DLGAP1: variants seen among roughly 807,000 people sequenced by gnomAD.
DLGAP1 encodes the protein DLG associated protein 1.
In DLGAP1, 11 loss-of-function variants were observed where a neutral mutation model predicts 90.8. The ratio of observed to expected loss-of-function variants is 0.12; its 90% CI spans 0.08 to 0.20. The LOEUF (loss-of-function observed/expected upper bound fraction) is 0.20, where lower values mean the gene tolerates loss of function less well. Among genes scored for constraint, DLGAP1 ranks in the 10% least tolerant of loss-of-function variants. DLGAP1 has a pLI of 1.00. For missense variants in DLGAP1, 1,050 were observed against 1,333.8 expected (o/e 0.79, Z 3.31); for synonymous variants, 558 against 540.7 (o/e 1.03, Z -0.44).
chr18:3,831,581 T>G (rs1371233635), intron 4 of DLGAP1, among the ~76,000 whole-genome samples: 1 of 152,228 alleles, frequency 6.6e-6, no homozygotes, highest in Non-Finnish European at 1.5e-5. Context: ...TTCTTCACAT[T>G]AATATCTATT....
chr18:3,646,796 G>A (rs2059134076), intron 7 of DLGAP1, among the ~76,000 whole-genome samples: 2 of 151,576 alleles, frequency 1.3e-5, no homozygotes, highest in African/African-American at 4.9e-5. Context: ...GTGGTGGTGG[G>A]CGCCTGTAGT....
intron 1 of DLGAP1, among the ~76,000 whole-genome samples, chr18:4,194,545 T>A (rs952774802): frequency 4.6e-5 from 7 of 152,232 alleles, no homozygotes; most frequent in African/African-American, 1.7e-4. Context: ...ACTCTACATA[T>A]GTGTGAGAGT....
At chr18:4,389,990 A>G (rs1411605473) in intron 1 of DLGAP1, among the ~76,000 whole-genome samples, 2 of 152,200 alleles carry the variant, frequency 1.3e-5, no homozygotes, top group Non-Finnish European at 2.9e-5. Flanking sequence ...AACATCAGCT[A>G]CATGTAGGGC....
intron 4 of DLGAP1, among the ~76,000 whole-genome samples, chr18:3,877,715 T>G (rs2071039094): frequency 6.6e-6 from 1 of 152,238 alleles, no homozygotes; most frequent in Non-Finnish European, 1.5e-5. Flanking sequence ...TGCCACATGC[T>G]AACGGTTTAA....
rs192227580 is a variant in DLGAP1 at position 3,680,733 on chromosome 18, A to G, written c.1591+48402T>C. ...GAACCCGGGAGGCGGAGCTTGCAGTAAGCCGAGATCGCGCCACTGCACTCC... is the reference window on the plus strand; with the variant it reads ...GAACCCGGGAGGCGGAGCTTGCAGTGAGCCGAGATCGCGCCACTGCACTCC... On this transcript the variant is annotated intron_variant, in intron 7 of 12. Transcript: ENST00000315677. Among the ~76,000 whole-genome samples, 291 of 148,834 alleles carry G rather than the reference A, an allele frequency of 2.0e-3. 2 individuals are homozygous for G. The East Asian group carries it at 0.032, about 16-fold the overall frequency.
intron 1 of DLGAP1, among the ~76,000 whole-genome samples, chr18:4,329,273 T>C (rs2080895189): frequency 6.6e-6 from 1 of 151,992 alleles, no homozygotes; most frequent in Non-Finnish European, 1.5e-5. Context: ...CGAAGATTTC[T>C]ACATTGAATT....
intron 5 of DLGAP1, among the ~76,000 whole-genome samples, chr18:3,781,309 TA>T (rs1471009320): frequency 2.0e-5 from 3 of 152,170 alleles, no homozygotes; most frequent in African/African-American, 4.8e-5. Context: ...ATGATTTACT[TA>T]ATATTTTCCT....
At chr18:3,659,800 A>G (rs1476097195) in intron 7 of DLGAP1, among the ~76,000 whole-genome samples, 6 of 152,088 alleles carry the variant, frequency 3.9e-5, no homozygotes, top group Non-Finnish European at 7.4e-5. Context: ...TCTTGACCTC[A>G]TGATCCGCCT....
In DLGAP1 at chr18:3,924,551, C is replaced by A. The variant is rs550772453; in HGVS notation, c.-72-44411G>T. The stretch of plus-strand genomic sequence containing the variant: ...GGGGAAAAAGAAACCCTACAAAAAA[C>A]CCTTGGAGGTGAACTTGTTCATTTC... On this transcript the variant is annotated intron_variant, in intron 3 of 12. Transcript: ENST00000315677. 5.3e-5 allele frequency among the ~76,000 whole-genome samples: 8 copies of A among 152,274 alleles called. No individual in the cohort carries two copies. The South Asian group carries it at 1.7e-3, about 32-fold the overall frequency.
At chr18:3,997,393 T>C (rs1368981327) in intron 3 of DLGAP1, among the ~76,000 whole-genome samples, 1 of 51,976 alleles carries the variant, frequency 1.9e-5, no homozygotes, top group Non-Finnish European at 3.8e-5. Flanking sequence ...AGATGCCAGC[T>C]TGGGTCGCTC....
intron 1 of DLGAP1, among the ~76,000 whole-genome samples, chr18:4,356,708 A>G (rs1361395188): frequency 1.3e-5 from 2 of 152,100 alleles, no homozygotes; most frequent in African/African-American, 4.8e-5. Flanking sequence ...CACTCCCTAC[A>G]TGCCTGTTCC....
chr18:3,513,291 G>T (rs965646670), intron 10 of DLGAP1, among the ~76,000 whole-genome samples: 1 of 152,160 alleles, frequency 6.6e-6, no homozygotes, highest in Admixed American at 6.6e-5. Flanking sequence ...GTTTATTTAT[G>T]TGTTTATTTA....
In DLGAP1 at chr18:3,538,872, C is replaced by T. The variant is rs190020982; in HGVS notation, c.2058-4257G>A. On this transcript the variant is annotated intron_variant, in intron 9 of 12. Transcript: ENST00000315677. ...TACACAGAACTGTACTACCCGCATT[C>T]CTAACAGCCATCTCCTGGCTATGGA... Among the ~76,000 whole-genome samples the T allele has an allele frequency of 3.7e-3, 559 of 152,342 alleles. 3 individuals carry two copies. The highest frequency in any genetic ancestry group is 0.01 in the Middle Eastern group (3 of 294).
chr18:3,621,297 C>CCT (rs10653862), intron 7 of DLGAP1, among the ~76,000 whole-genome samples: 68,776 of 151,862 alleles, frequency 0.45, 18,453 homozygotes, highest in African/African-American at 0.74. Flanking sequence ...CTGCTAATGA[C>CCT]CTCCCCTCCT....
chr18:3,680,140 T>C (rs545979972), intron 7 of DLGAP1: 34 of 152,370 alleles, frequency 2.2e-4, no homozygotes, highest in African/African-American at 8.2e-4. Flanking sequence ...GTTGGCAAAA[T>C]GGTGATAGGC....
At chr18:3,981,210 C>T (rs989256777) in intron 3 of DLGAP1, among the ~76,000 whole-genome samples, 1 of 152,236 alleles carries the variant, frequency 6.6e-6, no homozygotes, top group Non-Finnish European at 1.5e-5. Flanking sequence ...GATGAGAACA[C>T]TCAGTTTTCC....
At chr18:4,256,641 T>A (rs2078892965) in intron 1 of DLGAP1, among the ~76,000 whole-genome samples, 1 of 151,958 alleles carries the variant, frequency 6.6e-6, no homozygotes, top group South Asian at 2.1e-4. Context: ...ATTTTCTTGT[T>A]ACATGAGTTT....
intron 1 of DLGAP1, among the ~76,000 whole-genome samples, chr18:4,197,302 T>C (rs970022949): frequency 9.6e-5 from 14 of 146,004 alleles, no homozygotes; most frequent in African/African-American, 3.3e-4. Flanking sequence ...ATAGGAAATA[T>C]AAAGAATCTG....
intron 7 of DLGAP1, among the ~76,000 whole-genome samples, chr18:3,657,906 C>G (rs1364362076): frequency 4.6e-5 from 7 of 152,112 alleles, no homozygotes; most frequent in Non-Finnish European, 1.0e-4. Flanking sequence ...GCCCGGCTCC[C>G]ATGGAATTCT....
Sources: gnomAD v4.1 joint callset for allele counts (sites outside exome capture counted in the v4.1 genomes callset) on GRCh38, gnomAD v4.1.1 for gene constraint, MANE v1.5 for transcripts, NCBI Gene and HGNC (gene_info 2026-07-23, HGNC 2026-07-21) for gene names.